The following LRP12 variants were observed in gnomAD, a reference collection of about 807,000 sequenced individuals.
LRP12 encodes low-density lipoprotein receptor-related protein 12.
Under a neutral mutation model 66.0 loss-of-function variants are expected in LRP12, and 14 were observed. That is an observed-to-expected ratio of 0.21 (90% CI 0.14 to 0.33). LRP12 has a LOEUF of 0.33. LRP12 is among the 10% of genes least tolerant of loss of function. The probability of loss-of-function intolerance (pLI) is 1.00; values close to 1 mark genes in which losing one functional copy is unlikely to be tolerated. For synonymous variants in LRP12, 357 were observed against 359.1 expected (o/e 0.99, Z 0.07); for missense variants, 889 against 1,053.4 (o/e 0.84, Z 2.16).
chr8:104,588,971 C>CGCCGCCGCT lies in LRP12; in HGVS notation c.-75_-74insAGCGGCGGC. On this transcript the variant is annotated 5_prime_UTR_variant, in exon 1 of 7. Coordinates refer to ENST00000276654, the MANE Select transcript of LRP12 (RefSeq NM_013437.5). Reference sequence around the variant, plus strand: ...AGAAGCTGGAGGTAGACGACGCCGACGCCGCCGCCGCCGCCGCCGCCGCCG... The same window carrying CGCCGCCGCT: ...AGAAGCTGGAGGTAGACGACGCCGACGCCGCCGCTGCCGCCGCCGCCGCCGCCGCCGCCG... 2 of 476,176 alleles carry CGCCGCCGCT rather than the reference C, an allele frequency of 4.2e-6. No individual in the cohort carries two copies. The highest frequency in any genetic ancestry group is 6.2e-5 in the Admixed American group (1 of 16,128). The allele number at this position is 476,176 out of a possible 1,614,324, so 29.5% of individuals were successfully genotyped here.
intron 1 of LRP12, chr8:104,566,301 A>G: frequency 3.5e-6 from 1 of 287,360 alleles, no homozygotes; most frequent in Non-Finnish European, 6.4e-6. Flanking sequence ...ACCAACATTA[A>G]GGTGATCAAG....
chr8:104,502,113 T>C (rs1810836527), intron 3 of LRP12, among the ~76,000 whole-genome samples: 1 of 152,216 alleles, frequency 6.6e-6, no homozygotes, highest in South Asian at 2.1e-4. Context: ...TGAGGAGGTT[T>C]GGTTTTACAC....
rs759285198 is a variant in LRP12 at position 104,498,069 on chromosome 8, A to G, written c.483T>C (p.Ser161=). 18 of 1,588,420 alleles carry G rather than the reference A, an allele frequency of 1.1e-5. No homozygotes were observed. The highest frequency in any genetic ancestry group is 5.2e-5 in the Admixed American group (3 of 57,282). Residue 161 remains serine (S), a synonymous_variant, in exon 5 of 7, where the codon TCT becomes TCC. Transcript: ENST00000276654. ...GATCACAAGCACAATTTGGTTCCTC[A>G]GATTTCCCTGTGAAGATGTGAGTAG... ...GFRLAYFSGK[S]EEPNCACDQF...
At chr8:104,567,305 C>A (rs1369135409) in intron 1 of LRP12, among the ~76,000 whole-genome samples, 1 of 152,134 alleles carries the variant, frequency 6.6e-6, no homozygotes, top group Non-Finnish European at 1.5e-5. Flanking sequence ...AAAGGCACTT[C>A]TTACATGGCA....
chr8:104,585,779 G>C (rs1026030503), intron 1 of LRP12, among the ~76,000 whole-genome samples: 2 of 152,102 alleles, frequency 1.3e-5, no homozygotes, highest in Non-Finnish European at 2.9e-5. Flanking sequence ...GTAAAAGTTA[G>C]GAAACACTAA....
At chr8:104,588,760 G>C in intron 1 of LRP12, 59 bp downstream of exon 1, 1 of 1,527,262 alleles carries the variant, frequency 6.5e-7, no homozygotes, top group Non-Finnish European at 9.0e-7. Context: ...TGGAGGCCTC[G>C]GGGCCCGGGT....
chr8:104,564,890 A>C (rs1811973482), intron 1 of LRP12, among the ~76,000 whole-genome samples: 1 of 151,770 alleles, frequency 6.6e-6, no homozygotes, highest in Non-Finnish European at 1.5e-5. Context: ...CCTAGATCGC[A>C]CCACTGCACT....
In LRP12 at chr8:104,588,982, C is replaced by G. The variant is rs1355635417; in HGVS notation, c.-85G>C. 6.1e-5 allele frequency: 47 copies of G among 765,546 alleles called. No individual in the cohort carries two copies. Among genetic ancestry groups the G allele is most frequent in the Non-Finnish European group, 9.1e-5 (46 of 503,386 alleles). The allele number at this position is 765,546 out of a possible 1,614,324, so 47.4% of individuals were successfully genotyped here. ...GTAGACGACGCCGACGCCGCCGCCGCCGCCGCCGCCGCCGCCGAGCCACCG... is the reference window on the plus strand; with the variant it reads ...GTAGACGACGCCGACGCCGCCGCCGGCGCCGCCGCCGCCGCCGAGCCACCG... On this transcript the variant is annotated 5_prime_UTR_variant, in exon 1 of 7. Transcript: ENST00000276654.
chr8:104,496,891 C>G (rs561700886), intron 5 of LRP12, 81 bp downstream of exon 5: 65 of 1,319,822 alleles, frequency 4.9e-5, no homozygotes, highest in Admixed American at 2.0e-4. Flanking sequence ...AACAAAAATA[C>G]ATTGCTAATC....
rs536205117 is a variant in LRP12 at position 104,539,222 on chromosome 8, C to T, written c.80-7259G>A. Among the ~76,000 whole-genome samples, 3 of 152,202 alleles carry T rather than the reference C, an allele frequency of 2.0e-5. No individual in the cohort carries two copies. In the East Asian group the frequency reaches 5.8e-4, roughly 29 times the overall value. ...TTTTATAAAACTGAGGAAAAATTAACAATCATTCCTAAGATAATGGCATGG... is the reference window on the plus strand; with the variant it reads ...TTTTATAAAACTGAGGAAAAATTAATAATCATTCCTAAGATAATGGCATGG... On this transcript the variant is annotated intron_variant, in intron 1 of 6. Transcript: ENST00000276654.
chr8:104,571,704 A>T (rs1204817586), intron 1 of LRP12, among the ~76,000 whole-genome samples: 1 of 152,220 alleles, frequency 6.6e-6, no homozygotes, highest in African/African-American at 2.4e-5. Flanking sequence ...GTGTGAAAAC[A>T]GACTAATGCA....
At chr8:104,538,863 A>G (rs544252095) in intron 1 of LRP12, among the ~76,000 whole-genome samples, 3 of 152,238 alleles carry the variant, frequency 2.0e-5, no homozygotes, top group East Asian at 3.9e-4. Flanking sequence ...ATTTTAATTA[A>G]TTTAACCTTA....
At chr8:104,549,648 C>T (rs113044597) in intron 1 of LRP12, among the ~76,000 whole-genome samples, 2,568 of 152,146 alleles carry the variant, frequency 0.017, 71 homozygotes, top group African/African-American at 0.058. Flanking sequence ...ATGATCCGCC[C>T]GCCTCGGCCT....
At chr8:104,512,827 A>AT (rs1271560061) in intron 2 of LRP12, among the ~76,000 whole-genome samples, 1 of 152,204 alleles carries the variant, frequency 6.6e-6, no homozygotes, top group Non-Finnish European at 1.5e-5. Context: ...GGGATAAGAC[A>AT]TACCACCCAT....
At chr8:104,522,732 T>C (rs1325212769) in intron 2 of LRP12, among the ~76,000 whole-genome samples, 1 of 152,058 alleles carries the variant, frequency 6.6e-6, no homozygotes, top group Non-Finnish European at 1.5e-5. Context: ...AACCAGAAAA[T>C]ATTTTATAAA....
chr8:104,541,203 G>A (rs1312836824), intron 1 of LRP12, among the ~76,000 whole-genome samples: 1 of 152,162 alleles, frequency 6.6e-6, no homozygotes, highest in Non-Finnish European at 1.5e-5. Context: ...CATGCTCCTA[G>A]TATTCAGAGA....
rs192749094 is a variant in LRP12, at chr8:104,557,395, G to A, written c.80-25432C>T. 4.0e-3 allele frequency among the ~76,000 whole-genome samples: 609 copies of A among 152,070 alleles called. 3 individuals carry two copies. The highest frequency in any genetic ancestry group is 6.5e-3 in the Non-Finnish European group (442 of 67,964). ...CCAGAAAACCCTAAAAATTCATCCC[G>A]AAAGCTCCTAGAACTGATAAATGAA... On this transcript the variant is annotated intron_variant, in intron 1 of 6. Transcript: ENST00000276654.
At chr8:104,519,806 T>A (rs897906139) in intron 2 of LRP12, among the ~76,000 whole-genome samples, 14 of 152,066 alleles carry the variant, frequency 9.2e-5, no homozygotes, top group African/African-American at 3.1e-4. Context: ...GTTTATAATT[T>A]AAATATTCTT....
chr8:104,515,800 A>C (rs1449601235), intron 2 of LRP12, among the ~76,000 whole-genome samples: 2 of 152,222 alleles, frequency 1.3e-5, no homozygotes, highest in African/African-American at 4.8e-5. Flanking sequence ...GGTTATACTT[A>C]AAAGGTATGT....
Sources: allele counts gnomAD v4.1 joint callset (sites outside exome capture counted in the v4.1 genomes callset), GRCh38; gene constraint gnomAD v4.1.1; transcripts MANE v1.5; gene names NCBI Gene and HGNC (gene_info 2026-07-23, HGNC 2026-07-21).